The following TEX15 variants were observed in gnomAD, a reference collection of about 807,000 sequenced individuals.
The protein encoded by TEX15 is testis-expressed protein 15.
Under a neutral mutation model 237.3 loss-of-function variants are expected in TEX15, and 171 were observed. The ratio of observed to expected loss-of-function variants is 0.72; its 90% CI spans 0.64 to 0.82. The LOEUF (loss-of-function observed/expected upper bound fraction) is 0.82, where lower values mean the gene tolerates loss of function less well. Ranked by LOEUF, TEX15 falls within the 40% of genes least tolerant of loss-of-function variation. The pLI is 0.00. For missense variants in TEX15, 3,750 were observed against 3,646.5 expected, an observed-to-expected ratio of 1.03 and a Z score of -0.73; for synonymous variants, 1,338 against 1,269.8, an observed-to-expected ratio of 1.05 and a Z score of -1.14.
intron 4 of TEX15, among the ~76,000 whole-genome samples, chr8:30,870,002 T>C (rs1277724048): frequency 6.6e-6 from 1 of 152,048 alleles, no homozygotes; most frequent in Admixed American, 6.6e-5. Flanking sequence ...GCAATACTAA[T>C]GAGGGATAGA....
chr8:30,904,913 G>A (rs895934346), intron 1 of TEX15, among the ~76,000 whole-genome samples: 1 of 152,068 alleles, frequency 6.6e-6, no homozygotes, highest in Non-Finnish European at 1.5e-5. Context: ...ATGGAGTTAT[G>A]CCCAGAAAAA....
chr8:30,888,000 T>G (rs998449995), intron 2 of TEX15, among the ~76,000 whole-genome samples: 3 of 149,714 alleles, frequency 2.0e-5, no homozygotes, highest in Non-Finnish European at 3.0e-5. Context: ...AAAGTCTCCC[T>G]GCTCCTGAAA....
At chr8:30,875,233 T>C (rs560347073) in intron 3 of TEX15, 131 bp from the exon 4 acceptor site, 1 of 504,830 alleles carries the variant, frequency 2.0e-6, no homozygotes, top group African/African-American at 2.0e-5. Context: ...AAGGCAACCA[T>C]TTGTATTTAA....
intron 2 of TEX15, among the ~76,000 whole-genome samples, chr8:30,894,322 T>C (rs1371587256): frequency 1.3e-5 from 2 of 152,178 alleles, no homozygotes; most frequent in East Asian, 3.8e-4. Context: ...AAAAAAATTC[T>C]GTCTCTAAAA....
chr8:30,888,473 C>A (rs999390462), intron 2 of TEX15, among the ~76,000 whole-genome samples: 1 of 152,034 alleles, frequency 6.6e-6, no homozygotes, highest in East Asian at 1.9e-4. Context: ...CCTCCCCTTC[C>A]TTTTTCCCTC....
At position 30,887,889 on chromosome 8, in the gene TEX15, C is replaced by CATATATAT. The variant is rs36204928; in HGVS notation, c.-9-586_-9-579dup. 7.5e-4 allele frequency: 81 copies of CATATATAT among 108,036 alleles called. 1 individual carries two copies. The highest frequency in any genetic ancestry group is 5.6e-3 in the Middle Eastern group (1 of 178). 6.7% of individuals were successfully genotyped at this position (108,036 alleles called of 1,614,324 possible). A position where few individuals can be genotyped will look rare whatever the true frequency, so the allele number is the denominator to read the frequency against. Reference sequence around the variant, plus strand: ...ACATATATATTTCACATATATATTTCATATATATATATATATATATATATA... The same window carrying CATATATAT: ...ACATATATATTTCACATATATATTTCATATATATATATATATATATATATATATATATA... On this transcript the variant is annotated intron_variant, in intron 2 of 10. Transcript: ENST00000643185.
At chr8:30,912,187 C>T (rs1223276499) in intron 1 of TEX15, among the ~76,000 whole-genome samples, 1 of 152,146 alleles carries the variant, frequency 6.6e-6, no homozygotes, top group Non-Finnish European at 1.5e-5. Context: ...AGACAGCCGG[C>T]GCAGGCGGGC....
chr8:30,909,654 A>G (rs1425032718), intron 1 of TEX15, among the ~76,000 whole-genome samples: 1 of 152,176 alleles, frequency 6.6e-6, no homozygotes, highest in African/African-American at 2.4e-5. Flanking sequence ...CTATTTCTGA[A>G]AAGTTAATTT....
chr8:30,848,070 C>T lies in TEX15; in HGVS notation c.2097G>A (p.Lys699=). ...CTAGATGATCTAGTTCATCCTTATC[C>T]TTTATGGTAGATGTAGAAGATTTTG... The part of the protein sequence containing the change: ...EITKSSTSTI[K]DKDELDHLAL... Residue 699 remains lysine, a synonymous_variant, in exon 8 of 11, where the codon AAG becomes AAA. Coordinates refer to ENST00000643185, the MANE Select transcript of TEX15 (RefSeq NM_001350162.2). 1 of 1,613,090 alleles carries T rather than the reference C, an allele frequency of 6.2e-7. No individual in the cohort carries two copies. Among genetic ancestry groups the T allele is most frequent in the Non-Finnish European group, 8.5e-7 (1 of 1,179,726 alleles).
rs1316985531 is a variant in TEX15 at position 30,849,246 on chromosome 8, G to T, written c.921C>A (p.Thr307=). The part of the protein sequence containing the change: ...RFGKGKDATV[T]FVHFKKPVDP... Reference sequence around the variant, plus strand: ...CTACAGGTTTCTTGAAATGCACAAAGGTGACAGTAGCATCTTTTCCTTTTC... The same window carrying T: ...CTACAGGTTTCTTGAAATGCACAAATGTGACAGTAGCATCTTTTCCTTTTC... Residue 307 remains threonine, a synonymous_variant, in exon 8 of 11, where the codon ACC becomes ACA. Transcript: ENST00000643185. 6.5e-7 allele frequency: 1 copy of T among 1,536,014 alleles called. No homozygotes were observed. The highest frequency in any genetic ancestry group is 2.4e-5 in the East Asian group (1 of 40,878).
intron 2 of TEX15, among the ~76,000 whole-genome samples, chr8:30,891,901 A>G (rs1447337543): frequency 6.6e-6 from 1 of 152,214 alleles, no homozygotes; most frequent in Non-Finnish European, 1.5e-5. Flanking sequence ...AGAAATCTTT[A>G]TATGAGATAC....
At chr8:30,889,237 G>C (rs1193603403) in intron 2 of TEX15, among the ~76,000 whole-genome samples, 1 of 152,150 alleles carries the variant, frequency 6.6e-6, no homozygotes, top group Non-Finnish European at 1.5e-5. Context: ...TGGATCACCA[G>C]GTCAGGAGTT....
intron 1 of TEX15, among the ~76,000 whole-genome samples, chr8:30,905,652 G>A (rs1238735824): frequency 6.6e-6 from 1 of 150,846 alleles, no homozygotes; most frequent in African/African-American, 2.5e-5. Flanking sequence ...ATTTTGGGAG[G>A]CTGAGGCCGG....
At chr8:30,834,750 G>A (rs1585275902) in intron 10 of TEX15, among the ~76,000 whole-genome samples, 1 of 152,282 alleles carries the variant, frequency 6.6e-6, no homozygotes, top group East Asian at 1.9e-4. Flanking sequence ...ATAGAGGACT[G>A]TGAAGGGCTC....
intron 1 of TEX15, among the ~76,000 whole-genome samples, chr8:30,911,986 A>G (rs1809229744): frequency 6.6e-6 from 1 of 152,118 alleles, no homozygotes. Context: ...CACCAGGGCG[A>G]AGCAGCCCTG....
At chr8:30,911,775 G>A (rs541567709) in intron 1 of TEX15, among the ~76,000 whole-genome samples, 1 of 152,136 alleles carries the variant, frequency 6.6e-6, no homozygotes, top group Non-Finnish European at 1.5e-5. Flanking sequence ...GTGGCCATGC[G>A]CCTCAAACCG....
Position 30,844,256 on chromosome 8 carries a change from G to A in TEX15, c.5911C>T (p.Pro1971Ser). 5.0e-6 allele frequency: 8 copies of A among 1,612,964 alleles called. No individual in the cohort carries two copies. Among genetic ancestry groups the A allele is most frequent in the Non-Finnish European group, 6.8e-6 (8 of 1,179,432 alleles). Reference sequence around the variant, plus strand: ...GACGCAGGTTTCTTCAGAAGAGTAGGGACTTTACAGGTTTCAGAGTGGGCA... The same window carrying A: ...GACGCAGGTTTCTTCAGAAGAGTAGAGACTTTACAGGTTTCAGAGTGGGCA... ...LPAHSETCKV[P>S]TLLKKPASYV... is the part of the protein sequence containing the mutation. Residue 1971 changes from proline to serine, a missense_variant, in exon 8 of 11, where the codon CCT becomes TCT. Pro to Ser is a moderately conservative substitution (Grantham distance 74, BLOSUM62 -1). Coordinates refer to ENST00000643185, the MANE Select transcript of TEX15 (RefSeq NM_001350162.2).
intron 9 of TEX15, among the ~76,000 whole-genome samples, chr8:30,838,886 G>A (rs1355681192): frequency 6.9e-6 from 1 of 144,032 alleles, no homozygotes; most frequent in Non-Finnish European, 1.5e-5. Flanking sequence ...CACCATCTCA[G>A]CTCACTGCAA....
chr8:30,853,399 A>G (rs191639020), intron 7 of TEX15, among the ~76,000 whole-genome samples: 24 of 152,338 alleles, frequency 1.6e-4, no homozygotes, highest in East Asian at 7.7e-4. Flanking sequence ...GGCCCTATGT[A>G]TTGGTGGGTT....
Sources: gnomAD v4.1 joint callset for allele counts (sites outside exome capture counted in the v4.1 genomes callset) on GRCh38, gnomAD v4.1.1 for gene constraint, MANE v1.5 for transcripts, NCBI Gene and HGNC (gene_info 2026-07-23, HGNC 2026-07-21) for gene names.